Variants in ERICH6 observed in about 807,000 individuals in gnomAD.
ERICH6 encodes glutamate-rich protein 6.
A neutral mutation model predicts 71.0 loss-of-function variants in ERICH6; 71 were observed. The ratio of observed to expected loss-of-function variants is 1.00; its 90% CI spans 0.83 to 1.22. The LOEUF is 1.22. Among genes scored for constraint, ERICH6 ranks in the 50% most tolerant of loss-of-function variants. ERICH6 has a pLI of 0.00. For missense variants in ERICH6, 808 were observed against 797.2 expected (o/e 1.01, Z -0.16); for synonymous variants, 262 against 278.4 (o/e 0.94, Z 0.59).
chr3:150,683,911 G>A (rs1367483896), intron 6 of ERICH6, among the ~76,000 whole-genome samples: 1 of 152,234 alleles, frequency 6.6e-6, no homozygotes, highest in Non-Finnish European at 1.5e-5. Context: ...AAGACCTGCT[G>A]AGGAGCAGGA....
In ERICH6 at chr3:150,682,395, C is replaced by G. The variant is rs1262356862; in HGVS notation, c.784-79G>C. 4.9e-6 allele frequency: 5 copies of G among 1,024,430 alleles called. No homozygotes were observed. In the Admixed American group the frequency reaches 9.6e-5, roughly 20 times the overall value. 63.5% of individuals were successfully genotyped at this position (1,024,430 alleles called of 1,614,324 possible). A position where few individuals can be genotyped will look rare whatever the true frequency, so the allele number is the denominator to read the frequency against. On this transcript the variant is annotated intron_variant, in intron 6 of 13. Coordinates refer to ENST00000295910, the MANE Select transcript of ERICH6 (RefSeq NM_152394.5). ...CTCTGAGAGCAGCAGGAGCACGACCCTGGGCATGGTCAGTGAATGGAACAG... is the reference window on the plus strand; with the variant it reads ...CTCTGAGAGCAGCAGGAGCACGACCGTGGGCATGGTCAGTGAATGGAACAG...
chr3:150,677,112 A>C (rs1217500681), intron 10 of ERICH6, among the ~76,000 whole-genome samples: 2 of 152,060 alleles, frequency 1.3e-5, no homozygotes, highest in Admixed American at 6.6e-5. Flanking sequence ...ACACCCAGCC[A>C]AAAACATTTT....
Position 150,680,728 on chromosome 3 carries a change from T to A in ERICH6, c.1040+45A>T, listed in dbSNP as rs371946078. On this transcript the variant is annotated intron_variant, in intron 8 of 13. Transcript: ENST00000295910. ...GGTTCATTTACAAAACGAGCTCCGATTAAGCCGGCCTGTATGAGTTTCAGT... is the reference window on the plus strand; with the variant it reads ...GGTTCATTTACAAAACGAGCTCCGAATAAGCCGGCCTGTATGAGTTTCAGT... 12 of 1,572,650 alleles carry A rather than the reference T, an allele frequency of 7.6e-6. No homozygotes were observed. The East Asian group carries it at 1.6e-4, about 21-fold the overall frequency.
chr3:150,660,059 T>G lies in ERICH6; in HGVS notation c.1825A>C (p.Lys609Gln). ...SLIKIRRLFH[K>Q]LEGCVNFPSS... ...GGAAAATTCACACATCCTTCAAGTT[T>G]ATGAAACAGGCGACGGATCTTTATT... The change falls in exon 14 of 14, where the codon AAA becomes CAA. Residue 609 changes from lysine to glutamine, a missense_variant. By Grantham distance (53) the Lys-to-Gln change is moderately conservative. Transcript: ENST00000295910. The G allele has an allele frequency of 6.2e-7, 1 of 1,614,194 alleles. No individual in the cohort carries two copies. The highest frequency in any genetic ancestry group is 8.5e-7 in the Non-Finnish European group (1 of 1,180,036).
In ERICH6 at chr3:150,680,845, A is replaced by G; in HGVS notation, c.968T>C (p.Ile323Thr). 6.2e-7 allele frequency: 1 copy of G among 1,614,094 alleles called. No homozygotes were observed. Among genetic ancestry groups the G allele is most frequent in the Non-Finnish European group, 8.5e-7 (1 of 1,180,014 alleles). ...ATGGGCTGCATGAGGGTCAATAGCAATTAATTCAGCTTTAGGGGGTTTGGT... is the reference window on the plus strand; with the variant it reads ...ATGGGCTGCATGAGGGTCAATAGCAGTTAATTCAGCTTTAGGGGGTTTGGT... ...IKTKPPKAEL[I>T]AIDPHAAHGS... Residue 323 changes from isoleucine to threonine, a missense_variant, in exon 8 of 14, where the codon ATT becomes ACT. Physicochemically the swap from Ile to Thr is moderately conservative, Grantham distance 89. Transcript: ENST00000295910.
intron 11 of ERICH6, among the ~76,000 whole-genome samples, chr3:150,670,481 CAAAAAAA>C (rs542493653): frequency 1.1e-4 from 5 of 45,190 alleles, no homozygotes; most frequent in Admixed American, 1.0e-3. Flanking sequence ...GACTCCATCT[CAAAAAAA>C]AAAAAAAAAA....
At position 150,703,525 on chromosome 3, in the gene ERICH6, C is replaced by T. The variant is rs1713021274; in HGVS notation, c.374G>A (p.Ser125Asn). Residue 125 changes from serine to asparagine, a missense_variant, in exon 1 of 14, where the codon AGC becomes AAC. By Grantham distance (46) the Ser-to-Asn change is conservative. Coordinates refer to ENST00000295910, the MANE Select transcript of ERICH6 (RefSeq NM_152394.5). ...ATGCGAGGAGGTGCTGGAGGGTGGG[C>T]TTGCGCTCGGCGTTTCAGTGCTGGT... ...SATSTETPSA[S>N]PPSSTSSHKS... The T allele has an allele frequency of 1.9e-6, 3 of 1,608,672 alleles. No homozygotes were observed. The highest frequency in any genetic ancestry group is 2.5e-6 in the Non-Finnish European group (3 of 1,177,474).
rs938082418 is a variant in ERICH6, at chr3:150,682,634, G to T, written c.784-318C>A. Among the ~76,000 whole-genome samples the T allele has an allele frequency of 1.2e-4, 19 of 152,162 alleles. No individual in the cohort carries two copies. In the South Asian group the frequency reaches 1.7e-3, roughly 13 times the overall value. On this transcript the variant is annotated intron_variant, in intron 6 of 13. Transcript: ENST00000295910. ...TTCACTGTGGATACCAGAGTCCCTT[G>T]TTGGGGAGGGGAATGTGTAGTGTGT...
intron 3 of ERICH6, among the ~76,000 whole-genome samples, chr3:150,686,880 G>T (rs756776585): frequency 6.6e-6 from 1 of 152,124 alleles, no homozygotes; most frequent in Non-Finnish European, 1.5e-5. Context: ...CCATTATTAA[G>T]AAACTGAGGG....
chr3:150,686,754 T>C (rs1463374319), intron 3 of ERICH6, among the ~76,000 whole-genome samples: 1 of 152,188 alleles, frequency 6.6e-6, no homozygotes, highest in Non-Finnish European at 1.5e-5. Flanking sequence ...CAGCATACTA[T>C]TTTTTTCTTT....
intron 3 of ERICH6, among the ~76,000 whole-genome samples, chr3:150,690,510 G>C (rs966856949): frequency 1.3e-5 from 2 of 151,808 alleles, no homozygotes; most frequent in Non-Finnish European, 2.9e-5. Flanking sequence ...TTACTGAAAA[G>C]ATATAAAAGA....
Position 150,678,575 on chromosome 3 carries a change from T to C in ERICH6, c.1112-21A>G, listed in dbSNP as rs759469153. On this transcript the variant is annotated intron_variant, in intron 9 of 13. Coordinates refer to ENST00000295910, the MANE Select transcript of ERICH6 (RefSeq NM_152394.5). ...TGAATCTAGTGGGAAAAGAATCACA[T>C]AGAAATACATATATGTTTTAAATTT... The C allele has an allele frequency of 2.6e-6, 4 of 1,563,804 alleles. No individual in the cohort carries two copies. In the East Asian group the frequency reaches 9.1e-5, roughly 36 times the overall value.
At chr3:150,691,524 A>T (rs549192872) in intron 3 of ERICH6, among the ~76,000 whole-genome samples, 2 of 152,302 alleles carry the variant, frequency 1.3e-5, no homozygotes, top group East Asian at 3.9e-4. Context: ...AGAATCTTGT[A>T]TGGTAAATTT....
chr3:150,703,846 TG>T lies in ERICH6; in HGVS notation c.52del (p.Gln18ArgfsTer8), dbSNP rs763930178. 118 of 1,570,844 alleles carry T rather than the reference TG, an allele frequency of 7.5e-5. No individual in the cohort carries two copies. Among genetic ancestry groups the T allele is most frequent in the Middle Eastern group, 6.8e-4 (4 of 5,884 alleles). On this transcript the variant is annotated frameshift_variant, in exon 1 of 14. Coordinates refer to ENST00000295910, the MANE Select transcript of ERICH6 (RefSeq NM_152394.5). LOFTEE classifies it high-confidence loss of function. ...CTCTAACTCCTCCTCTGACTCCTTC[TG>T]GTCCTTCTTCCCCGGGTCTCCGAAG... ...SGFGDPGKKDQKESEEELEEE... is the reference protein window; with the variant it reads ...SGFGDPGKKDXKESEEELEEE...
intron 9 of ERICH6, 88 bp from the exon 10 acceptor site, chr3:150,678,642 T>A (rs946359452): frequency 4.4e-5 from 45 of 1,029,560 alleles, no homozygotes; most frequent in Non-Finnish European, 5.9e-5. Context: ...AACCCCAATA[T>A]AAATGCACTG....
chr3:150,693,774 G>A (rs553152781), intron 3 of ERICH6, among the ~76,000 whole-genome samples: 1 of 152,216 alleles, frequency 6.6e-6, no homozygotes, highest in South Asian at 2.1e-4. Context: ...TTAGATTCTT[G>A]TCTTGACTAA....
chr3:150,703,044 T>C (rs1484290168), intron 1 of ERICH6, among the ~76,000 whole-genome samples: 1 of 150,384 alleles, frequency 6.6e-6, no homozygotes, highest in Non-Finnish European at 1.5e-5. Flanking sequence ...CGCAAAAATG[T>C]TATAAAAATG....
intron 3 of ERICH6, among the ~76,000 whole-genome samples, chr3:150,694,471 C>T (rs1462513693): frequency 6.6e-6 from 1 of 152,134 alleles, no homozygotes; most frequent in Non-Finnish European, 1.5e-5. Flanking sequence ...TGGGTAGGTA[C>T]TCTATGTTCG....
chr3:150,683,285 C>T (rs562954316), intron 6 of ERICH6, among the ~76,000 whole-genome samples: 12 of 152,292 alleles, frequency 7.9e-5, no homozygotes, highest in Admixed American at 2.6e-4. Context: ...AGTGAAGTCT[C>T]GCACTAGAGA....
Sources: gnomAD v4.1 joint callset for allele counts (sites outside exome capture counted in the v4.1 genomes callset) on GRCh38, gnomAD v4.1.1 for gene constraint, MANE v1.5 for transcripts, NCBI Gene and HGNC (gene_info 2026-07-23, HGNC 2026-07-21) for gene names.